Variants in THBS1 observed in about 807,000 individuals in gnomAD.
THBS1 encodes thrombospondin 1, also known as thrombospondin-1.
In THBS1, 29 loss-of-function variants were observed where a neutral mutation model predicts 126.1. The observed-to-expected ratio is 0.23, with a 90% CI of 0.17 to 0.31. The LOEUF (loss-of-function observed/expected upper bound fraction) is 0.31. Ranked by LOEUF, THBS1 falls within the 10% of genes least tolerant of loss-of-function variation. The pLI, the probability that THBS1 is intolerant of heterozygous loss-of-function variation, is 1.00. For synonymous variants in THBS1, 496 were observed against 577.8 expected (o/e 0.86, Z 2.03); for missense variants, 1,198 against 1,545.2 (o/e 0.78, Z 3.77).
chr15:39,586,234 G>GCA (rs1249393607), intron 7 of THBS1, among the ~76,000 whole-genome samples: 3 of 152,002 alleles, frequency 2.0e-5, no homozygotes, highest in Admixed American at 6.6e-5. Flanking sequence ...AAACACACAT[G>GCA]CACACACACA....
chr15:39,583,730 A>T (rs370278232), intron 4 of THBS1, 38 bp downstream of exon 4: 13 of 1,588,992 alleles, frequency 8.2e-6, no homozygotes, highest in Non-Finnish European at 1.1e-5. Flanking sequence ...ATAGGGAATC[A>T]GGGGGAATTC....
rs1890379364 is a variant in THBS1 at position 39,593,890 on chromosome 15, C to T, written c.3268-209C>T. On this transcript the variant is annotated intron_variant, in intron 19 of 21. Coordinates refer to ENST00000260356, the MANE Select transcript of THBS1 (RefSeq NM_003246.4). This position sits in a 1 kb window ranked among gnomAD's most constrained non-coding sequence, Gnocchi z 5.9. ...CTAAGGTGCCTTCAGCCTTTTCAAACAAAAAAACCTCCTTCCCTCCTCTCT... is the reference window on the plus strand; with the variant it reads ...CTAAGGTGCCTTCAGCCTTTTCAAATAAAAAAACCTCCTTCCCTCCTCTCT... The T allele has an allele frequency of 2.2e-6, 2 of 895,714 alleles. No individual in the cohort carries two copies. Among genetic ancestry groups the T allele is most frequent in the Non-Finnish European group, 3.3e-6 (2 of 606,552 alleles). The allele number at this position is 895,714 out of a possible 1,614,324, so 55.5% of individuals were successfully genotyped here.
At position 39,588,096 on chromosome 15, in the gene THBS1, CAT is replaced by C; in HGVS notation, c.1350_1351del (p.Cys451TrpfsTer2). On this transcript the variant is annotated frameshift_variant, in exon 9 of 22. Transcript: ENST00000260356. LOFTEE classifies it high-confidence loss of function. Reference sequence around the variant, plus strand: ...TCCCCGTGGTCATCTTGTTCTGTGACATGTGGTGATGGTGTGATCACAAGGAT... The same window carrying C: ...TCCCCGTGGTCATCTTGTTCTGTGACGTGGTGATGGTGTGATCACAAGGAT... 6.2e-7 allele frequency: 1 copy of C among 1,614,236 alleles called. No individual in the cohort carries two copies. The highest frequency in any genetic ancestry group is 8.5e-7 in the Non-Finnish European group (1 of 1,180,048).
chr15:39,590,741 ATAAT>A, intron 14 of THBS1, 118 bp downstream of exon 14: 1 of 753,076 alleles, frequency 1.3e-6, no homozygotes, highest in Non-Finnish European at 2.2e-6. Flanking sequence ...AATACACAGG[ATAAT>A]TAGAAATTAT....
Position 39,582,770 on chromosome 15 carries a change from A to T in THBS1, c.627+18A>T. ...ATTTCCAGGTGAGGCTTCTTCTCTG[A>T]GCCCTGCTCCGTGGGATCATCTGCT... On this transcript the variant is annotated intron_variant, in intron 3 of 21. Transcript: ENST00000260356. 6.3e-7 allele frequency: 1 copy of T among 1,587,766 alleles called. No homozygotes were observed. The highest frequency in any genetic ancestry group is 8.6e-7 in the Non-Finnish European group (1 of 1,167,854).
rs143907582 is a variant in THBS1, at chr15:39,589,817, C to T, written c.1939C>T (p.Arg647Cys). 11 of 1,611,296 alleles carry T rather than the reference C, an allele frequency of 6.8e-6. No individual in the cohort carries two copies. Among genetic ancestry groups the T allele is most frequent in the South Asian group, 1.1e-5 (1 of 90,532 alleles). ...ATANKQVCKPRNPCTDGTHDC... is the reference protein window; with the variant it reads ...ATANKQVCKPCNPCTDGTHDC... ...GGTGTACCCTCAGGTGTGCAAGCCC[C>T]GTAACCCCTGCACGGATGGGACCCA... is the stretch of plus-strand genomic sequence containing the variant. Residue 647 changes from arginine to cysteine, a missense_variant, in exon 13 of 22, where the codon CGT becomes TGT. Coordinates refer to ENST00000260356, the MANE Select transcript of THBS1 (RefSeq NM_003246.4). This position sits in a 1 kb window ranked among gnomAD's most constrained non-coding sequence, Gnocchi z 4.7.
rs1890365713 is a variant in THBS1 at position 39,593,274 on chromosome 15, G to A, written c.2995+47G>A. Reference sequence around the variant, plus strand: ...CCTAAGAGACTGATGCATACATGGGGAAAAACAAATATAAAACCTGGCAGT... The same window carrying A: ...CCTAAGAGACTGATGCATACATGGGAAAAAACAAATATAAAACCTGGCAGT... On this transcript the variant is annotated intron_variant, in intron 18 of 21. Coordinates refer to ENST00000260356, the MANE Select transcript of THBS1 (RefSeq NM_003246.4). This position sits in a 1 kb window ranked among gnomAD's most constrained non-coding sequence, Gnocchi z 5.9. The A allele has an allele frequency of 1.9e-6, 3 of 1,611,424 alleles. No individual in the cohort carries two copies. The highest frequency in any genetic ancestry group is 2.5e-6 in the Non-Finnish European group (3 of 1,177,662).
chr15:39,583,976 G>A lies in THBS1; in HGVS notation c.704-12G>A. ...AGTATCTATTTGAAGTTTTCATTTT[G>A]TTTCTTGCCAGCTACCAGTGTCCTC... On this transcript the variant is annotated splice_polypyrimidine_tract_variant and intron_variant, in intron 4 of 21. Transcript: ENST00000260356. 6.2e-7 allele frequency: 1 copy of A among 1,613,974 alleles called. No individual in the cohort carries two copies. Among genetic ancestry groups the A allele is most frequent in the Middle Eastern group, 1.6e-4 (1 of 6,062 alleles).
chr15:39,588,005 G>A, intron 8 of THBS1, 37 bp from the exon 9 acceptor site: 1 of 1,600,130 alleles, frequency 6.2e-7, no homozygotes, highest in Non-Finnish European at 8.5e-7. Flanking sequence ...CTGTCTCTAA[G>A]CCAAAACCAT....
chr15:39,591,365 G>C lies in THBS1; in HGVS notation c.2413+15G>C, dbSNP rs748948863. The C allele has an allele frequency of 5.0e-6, 8 of 1,607,390 alleles. No individual in the cohort carries two copies. The highest frequency in any genetic ancestry group is 1.1e-5 in the South Asian group (1 of 90,322). Reference sequence around the variant, plus strand: ...TGATGGAGACGGTAAGGTGCTGCCTGATCAGAGGGCCCGCGGGAGACAGGG... The same window carrying C: ...TGATGGAGACGGTAAGGTGCTGCCTCATCAGAGGGCCCGCGGGAGACAGGG... On this transcript the variant is annotated intron_variant, in intron 15 of 21. Transcript: ENST00000260356.
intron 6 of THBS1, 84 bp downstream of exon 6, chr15:39,584,506 G>A: frequency 1.9e-6 from 3 of 1,553,522 alleles, no homozygotes; most frequent in Non-Finnish European, 2.6e-6. Context: ...AATCGCCACA[G>A]AGATTCTTTT....
In THBS1 at chr15:39,585,506, A is replaced by C; in HGVS notation, c.1063A>C (p.Ile355Leu). ...CATCTGCAAAAAGGTGTCCTGCCCC[A>C]TCATGCCCTGCTCCAATGCCACAGT... is the stretch of plus-strand genomic sequence containing the variant. Reference protein sequence around the residue: ...VTICKKVSCPIMPCSNATVPD... With the variant: ...VTICKKVSCPLMPCSNATVPD... Residue 355 changes from isoleucine to leucine, a missense_variant, in exon 7 of 22, where the codon ATC becomes CTC. Physicochemically the swap from Ile to Leu is conservative, Grantham distance 5 (BLOSUM62 2). Around this residue, in one of 4 missense-constraint regions of THBS1, gnomAD observed 663 missense variants for 860.1 expected, o/e 0.77. Coordinates refer to ENST00000260356, the MANE Select transcript of THBS1 (RefSeq NM_003246.4). 1.9e-6 allele frequency: 3 copies of C among 1,614,166 alleles called. No homozygotes were observed. Among genetic ancestry groups the C allele is most frequent in the Non-Finnish European group, 2.5e-6 (3 of 1,180,040 alleles).
rs750658070 is a variant in THBS1, at chr15:39,581,899, T to G, written c.42T>G (p.His14Gln). The change falls in exon 2 of 22, where the codon CAT becomes CAG. Residue 14 changes from histidine (H) to glutamine (Q), a missense_variant. By Grantham distance (24) the His-to-Gln change is conservative. Transcript: ENST00000260356. ...AWGLGVLFLMHVCGTNRIPES... is the reference protein window; with the variant it reads ...AWGLGVLFLMQVCGTNRIPES... ...GACTAGGCGTCCTGTTCCTGATGCATGTGTGTGGCACCAACCGCATTCCAG... is the reference window on the plus strand; with the variant it reads ...GACTAGGCGTCCTGTTCCTGATGCAGGTGTGTGGCACCAACCGCATTCCAG... 1.2e-6 allele frequency: 2 copies of G among 1,613,940 alleles called. No homozygotes were observed. The highest frequency in any genetic ancestry group is 3.3e-5 in the Admixed American group (2 of 59,998).
rs1393241614 is a variant in THBS1 at position 39,594,922 on chromosome 15, T to G, written c.3506-440T>G. On this transcript the variant is annotated intron_variant, in intron 21 of 21. Coordinates refer to ENST00000260356, the MANE Select transcript of THBS1 (RefSeq NM_003246.4). The surrounding 1 kb of genome is among the most constrained non-coding windows in gnomAD (Gnocchi z 4.4). ...ATTTTTTTTCCTCATTCTTTTTTACTTAGTCATTACTTAAGCTCGCTGAGT... is the reference window on the plus strand; with the variant it reads ...ATTTTTTTTCCTCATTCTTTTTTACGTAGTCATTACTTAAGCTCGCTGAGT... Among the ~76,000 whole-genome samples the G allele has an allele frequency of 6.6e-6, 1 of 152,226 alleles. No individual in the cohort carries two copies. Among genetic ancestry groups the G allele is most frequent in the Non-Finnish European group, 1.5e-5 (1 of 68,038 alleles).
In THBS1 at chr15:39,595,410, C is replaced by T; in HGVS notation, c.*41C>T. ...TTGAAAGACTGATCATAAACCAATG[C>T]TGGTATTGCACCTTCTGGAACTATG... On this transcript the variant is annotated 3_prime_UTR_variant, in exon 22 of 22. Transcript: ENST00000260356. 6.7e-7 allele frequency: 1 copy of T among 1,496,396 alleles called. No individual in the cohort carries two copies. The highest frequency in any genetic ancestry group is 1.4e-5 in the African/African-American group (1 of 71,554). 92.7% of individuals were successfully genotyped at this position (1,496,396 alleles called of 1,614,324 possible). A position where few individuals can be genotyped will look rare whatever the true frequency, so the allele number is the denominator to read the frequency against.
chr15:39,585,618 C>T (rs769465835), intron 7 of THBS1, 55 bp downstream of exon 7: 14 of 1,521,986 alleles, frequency 9.2e-6, no homozygotes, highest in Non-Finnish European at 1.3e-5. Context: ...GTTCTACATA[C>T]ATCCTAGACA....
Position 39,582,245 on chromosome 15 carries a change from C to A in THBS1, c.120C>A (p.Ala40=). 6.2e-7 allele frequency: 1 copy of A among 1,613,964 alleles called. No individual in the cohort carries two copies. The highest frequency in any genetic ancestry group is 1.3e-5 in the African/African-American group (1 of 75,034). ...VFDIFELTGA[A]RKGSGRRLVK... The stretch of plus-strand genomic sequence containing the variant: ...ACATCTTTGAACTCACCGGGGCCGC[C>A]CGCAAGGGGTCTGGGCGCCGACTGG... Residue 40 remains alanine, a synonymous_variant, in exon 3 of 22, where the codon GCC becomes GCA. Coordinates refer to ENST00000260356, the MANE Select transcript of THBS1 (RefSeq NM_003246.4).
Position 39,591,253 on chromosome 15 carries a change from C to T in THBS1, c.2316C>T (p.Asp772=), listed in dbSNP as rs1890321423. The T allele has an allele frequency of 6.2e-7, 1 of 1,614,212 alleles. No homozygotes were observed. The highest frequency in any genetic ancestry group is 8.5e-7 in the Non-Finnish European group (1 of 1,180,032). Residue 772 remains aspartate (D), a synonymous_variant, in exon 15 of 22, where the codon GAC becomes GAT. Coordinates refer to ENST00000260356, the MANE Select transcript of THBS1 (RefSeq NM_003246.4). ...QYDYDRDDVG[D]RCDNCPYNHN... is the part of the protein sequence containing the mutation. ...ACTATGACAGAGATGATGTGGGAGACCGCTGTGACAACTGTCCCTACAACC... is the reference window on the plus strand; with the variant it reads ...ACTATGACAGAGATGATGTGGGAGATCGCTGTGACAACTGTCCCTACAACC...
chr15:39,595,662 C>T lies in THBS1; in HGVS notation c.*293C>T, dbSNP rs1313344118. 2 of 577,648 alleles carry T rather than the reference C, an allele frequency of 3.5e-6. No homozygotes were observed. The highest frequency in any genetic ancestry group is 6.5e-6 in the Non-Finnish European group (2 of 305,694). 35.8% of individuals were successfully genotyped at this position (577,648 alleles called of 1,614,324 possible). On this transcript the variant is annotated 3_prime_UTR_variant, in exon 22 of 22. Coordinates refer to ENST00000260356, the MANE Select transcript of THBS1 (RefSeq NM_003246.4). ...TGCTTCAGTTGGGAAGGTGCCCATT[C>T]CACTCTGCCTTTGTCACAGAGCAGG...
Sources: allele counts gnomAD v4.1 joint callset (sites outside exome capture counted in the v4.1 genomes callset), GRCh38; gene constraint gnomAD v4.1.1; regional missense constraint gnomAD v4.1.1; non-coding constraint Gnocchi (gnomAD v3.1); transcripts MANE v1.5; gene names NCBI Gene and HGNC (gene_info 2026-07-23, HGNC 2026-07-21).